The following NEXMIF variants were observed in gnomAD, a reference collection of about 807,000 sequenced individuals.
NEXMIF encodes XLMR protein related to neurite extension.
In NEXMIF, 8 loss-of-function variants were observed where a neutral mutation model predicts 62.1. The ratio of observed to expected loss-of-function variants is 0.13; its 90% CI spans 0.08 to 0.23. NEXMIF has a LOEUF of 0.23. Ranked by LOEUF, NEXMIF falls within the 10% of genes least tolerant of loss-of-function variation. The pLI, the probability that NEXMIF is intolerant of heterozygous loss-of-function variation, is 1.00. For missense variants in NEXMIF, 976 were observed against 1,113.3 expected (o/e 0.88, Z 1.75); for synonymous variants, 404 against 416.6 (o/e 0.97, Z 0.37).
intron 1 of NEXMIF, among the ~76,000 whole-genome samples, chrX:74,803,575 T>A (rs56827872): frequency 0.033 from 3,523 of 106,504 alleles, 162 homozygotes; most frequent in African/African-American, 0.11. Flanking sequence ...CTCAAAAAAA[T>A]AAATAAATAA....
At chrX:74,791,888 C>T (rs763594770) in intron 1 of NEXMIF, among the ~76,000 whole-genome samples, 13 of 111,072 alleles carry the variant, frequency 1.2e-4, no homozygotes, top group East Asian at 5.6e-4. Flanking sequence ...GTCTTGATAG[C>T]GGTCTATCAA....
intron 1 of NEXMIF, among the ~76,000 whole-genome samples, chrX:74,924,437 G>A (rs2080836885): frequency 2.6e-5 from 3 of 113,245 alleles, no homozygotes; most frequent in African/African-American, 9.6e-5. Flanking sequence ...TGCGGCTTTG[G>A]TCCGAGCGCC....
chrX:74,831,975 T>C (rs1208434595), intron 1 of NEXMIF, among the ~76,000 whole-genome samples: 1 of 112,454 alleles, frequency 8.9e-6, no homozygotes, highest in Non-Finnish European at 1.9e-5. Context: ...TTGGTCACAA[T>C]GAATGATCAT....
chrX:74,833,947 C>T (rs951415027), intron 1 of NEXMIF, among the ~76,000 whole-genome samples: 40 of 109,111 alleles, frequency 3.7e-4, no homozygotes, highest in African/African-American at 1.3e-3. Flanking sequence ...GGAGTCTGAC[C>T]GACATGGAGA....
At chrX:74,907,333 C>A (rs1222531203) in intron 1 of NEXMIF, among the ~76,000 whole-genome samples, 3 of 56,340 alleles carry the variant, frequency 5.3e-5, no homozygotes, top group African/African-American at 1.9e-4. Context: ...GAAGCAAGAG[C>A]ACCCCCCCCC....
chrX:74,855,415 T>C (rs2147496470), intron 1 of NEXMIF, among the ~76,000 whole-genome samples: 1 of 112,022 alleles, frequency 8.9e-6, no homozygotes, highest in South Asian at 3.7e-4. Flanking sequence ...CTGAAAACAA[T>C]CAGTGGCAAT....
intron 1 of NEXMIF, among the ~76,000 whole-genome samples, chrX:74,754,709 C>T (rs2080154563): frequency 9.0e-6 from 1 of 111,439 alleles, no homozygotes; most frequent in Non-Finnish European, 1.9e-5. Context: ...AAAACAAGAC[C>T]ATAAAGAGAT....
chrX:74,920,269 A>G (rs2147377614), intron 1 of NEXMIF, among the ~76,000 whole-genome samples: 1 of 110,889 alleles, frequency 9.0e-6, no homozygotes, highest in South Asian at 3.9e-4. Flanking sequence ...CTATTTCTCC[A>G]CATCCTCTCC....
Position 74,744,024 on chromosome X carries a change from G to T in NEXMIF, c.533C>A (p.Ala178Glu). Residue 178 changes from alanine (A) to glutamate (E), a missense_variant, in exon 3 of 4, where the codon GCA becomes GAA. Ala to Glu is a moderately radical substitution (Grantham distance 107, BLOSUM62 -1). Coordinates refer to ENST00000055682, the MANE Select transcript of NEXMIF (RefSeq NM_001008537.3). The stretch of plus-strand genomic sequence containing the variant: ...ACACTGAATCCCTATATCAGAGACT[G>T]CACACGTTTCATAATCCCTATTTAG... ...GDLNRDYETC[A>E]VSDIGIQCIN... is the part of the protein sequence containing the mutation. 1.7e-6 allele frequency: 2 copies of T among 1,209,599 alleles called. No individual in the cohort carries two copies.
At chrX:74,771,765 T>A (rs968913547) in intron 1 of NEXMIF, among the ~76,000 whole-genome samples, 52 of 111,321 alleles carry the variant, frequency 4.7e-4, no homozygotes, top group African/African-American at 1.6e-3. Flanking sequence ...AATAGTTACC[T>A]CATAGGCTTA....
rs138004530 is a variant in NEXMIF at position 74,759,157 on chromosome X, C to T, written c.-47-13460G>A. On this transcript the variant is annotated intron_variant, in intron 1 of 3. Coordinates refer to ENST00000055682, the MANE Select transcript of NEXMIF (RefSeq NM_001008537.3). ...TTTGCATTTCTCTAATGATCAGTGA[C>T]GCTGAGATTTTTTTCATATGATTGT... Among the ~76,000 whole-genome samples the T allele has an allele frequency of 3.4e-4, 38 of 112,327 alleles. No individual in the cohort carries two copies. In the East Asian group the frequency reaches 6.1e-3, roughly 18 times the overall value.
intron 1 of NEXMIF, among the ~76,000 whole-genome samples, chrX:74,852,742 C>G (rs888323329): frequency 9.0e-6 from 1 of 111,265 alleles, no homozygotes; most frequent in Non-Finnish European, 1.9e-5. Flanking sequence ...TAAAAATTTC[C>G]TGAAACAAAT....
At chrX:74,851,770 A>G (rs1268322369) in intron 1 of NEXMIF, among the ~76,000 whole-genome samples, 1 of 111,924 alleles carries the variant, frequency 8.9e-6, no homozygotes, top group African/African-American at 3.3e-5. Flanking sequence ...ACTATCTACT[A>G]TCACAAAAAG....
intron 1 of NEXMIF, among the ~76,000 whole-genome samples, chrX:74,906,274 TAAA>T (rs749030844): frequency 1.0e-5 from 1 of 96,225 alleles, no homozygotes; most frequent in Admixed American, 1.2e-4. Context: ...CCCCATCTCT[TAAA>T]AAAAAAAAAA....
intron 1 of NEXMIF, among the ~76,000 whole-genome samples, chrX:74,914,090 T>C (rs2080799072): frequency 8.9e-6 from 1 of 111,751 alleles, no homozygotes; most frequent in African/African-American, 3.3e-5. Context: ...TCTAGATATA[T>C]GTAGAGAAAG....
chrX:74,801,052 C>T (rs943647217), intron 1 of NEXMIF, among the ~76,000 whole-genome samples: 10 of 111,489 alleles, frequency 9.0e-5, no homozygotes, highest in Admixed American at 3.8e-4. Flanking sequence ...TCCAGAATGT[C>T]GTATAGTCGG....
chrX:74,774,491 T>C (rs773626647), intron 1 of NEXMIF, among the ~76,000 whole-genome samples: 6 of 111,838 alleles, frequency 5.4e-5, no homozygotes, highest in Admixed American at 9.5e-5. Context: ...AGAAGAGTTA[T>C]AGTCAGTTTT....
At chrX:74,856,872 C>T (rs1324391335) in intron 1 of NEXMIF, among the ~76,000 whole-genome samples, 2 of 110,108 alleles carry the variant, frequency 1.8e-5, no homozygotes, top group Non-Finnish European at 3.8e-5. Flanking sequence ...GAGAATGAAG[C>T]AATTGTGAGA....
intron 1 of NEXMIF, among the ~76,000 whole-genome samples, chrX:74,767,541 T>C (rs1459803177): frequency 9.0e-6 from 1 of 111,625 alleles, no homozygotes; most frequent in Middle Eastern, 4.3e-3. Context: ...GTAGAGCTGC[T>C]GTACTGTGGC....
Sources: gnomAD v4.1 joint callset for allele counts (sites outside exome capture counted in the v4.1 genomes callset) on GRCh38, gnomAD v4.1.1 for gene constraint, MANE v1.5 for transcripts, NCBI Gene and HGNC (gene_info 2026-07-23, HGNC 2026-07-21) for gene names.